Variants in NECAB2 observed in about 807,000 individuals in gnomAD.
NECAB2 encodes N-terminal EF-hand calcium-binding protein 2.
In NECAB2, 68 loss-of-function variants were observed where a neutral mutation model predicts 51.9. The observed-to-expected ratio is 1.31, with a 90% CI of 1.08 to 1.60. The LOEUF (loss-of-function observed/expected upper bound fraction) is 1.60, where lower values mean the gene tolerates loss of function less well. Among genes scored for constraint, NECAB2 ranks in the 40% most tolerant of loss-of-function variants. The pLI, the probability that NECAB2 is intolerant of heterozygous loss-of-function variation, is 0.00. For synonymous variants in NECAB2, 329 were observed against 203.5 expected (o/e 1.62, Z -5.25); for missense variants, 854 against 490.3 (o/e 1.74, Z -7.00).
intron 6 of NECAB2, among the ~76,000 whole-genome samples, chr16:83,992,949 G>A (rs984637191): frequency 3.9e-5 from 6 of 152,172 alleles, no homozygotes; most frequent in African/African-American, 7.2e-5. Context: ...GTATGGCTGC[G>A]CAGTTTTCAG....
chr16:83,994,283 G>A lies in NECAB2; in HGVS notation c.597-19G>A, dbSNP rs372815049. The A allele has an allele frequency of 9.3e-6, 15 of 1,612,514 alleles. No individual in the cohort carries two copies. In the Middle Eastern group the frequency reaches 4.9e-4, roughly 53 times the overall value. ...GAAGCCACCGCCATGGTCTGTGTGTGTTCCCATCCAAACTGCAGACAGAAC... is the reference window on the plus strand; with the variant it reads ...GAAGCCACCGCCATGGTCTGTGTGTATTCCCATCCAAACTGCAGACAGAAC... On this transcript the variant is annotated intron_variant, in intron 6 of 12. Coordinates refer to ENST00000305202, the MANE Select transcript of NECAB2 (RefSeq NM_019065.3).
intron 2 of NECAB2, 42 bp from the exon 3 acceptor site, chr16:83,978,402 C>T (rs1162348675): frequency 1.3e-6 from 2 of 1,561,020 alleles, no homozygotes; most frequent in Middle Eastern, 1.7e-4. Flanking sequence ...CCAGCCTTAT[C>T]TCTGCAGACA....
rs1259778837 is a variant in NECAB2, at chr16:84,002,678, ACATTCTTCTACCTAGTAG to A, written c.*333_*350del. On this transcript the variant is annotated 3_prime_UTR_variant, in exon 13 of 13. Coordinates refer to ENST00000305202, the MANE Select transcript of NECAB2 (RefSeq NM_019065.3). Reference sequence around the variant, plus strand: ...TGACCACACCCTGCCCTCTTCGGTGACATTCTTCTACCTAGTAGGAGTCATGCCCCTGTAGTGCCCAAC... The same window carrying A: ...TGACCACACCCTGCCCTCTTCGGTGAGAGTCATGCCCCTGTAGTGCCCAAC... 1 of 400,628 alleles carries A rather than the reference ACATTCTTCTACCTAGTAG, an allele frequency of 2.5e-6. No homozygotes were observed. Among genetic ancestry groups the A allele is most frequent in the Non-Finnish European group, 4.6e-6 (1 of 215,782 alleles). The allele number at this position is 400,628 out of a possible 1,614,324, so 24.8% of individuals were successfully genotyped here. A position where few individuals can be genotyped will look rare whatever the true frequency, so the allele number is the denominator to read the frequency against.
chr16:84,001,984 G>A, intron 12 of NECAB2, 68 bp downstream of exon 12: 1 of 1,524,516 alleles, frequency 6.6e-7, no homozygotes, highest in Non-Finnish European at 9.0e-7. Context: ...CCTAGAGGCT[G>A]CCCCATATCT....
At chr16:83,993,025 T>G (rs2084645908) in intron 6 of NECAB2, among the ~76,000 whole-genome samples, 1 of 152,200 alleles carries the variant, frequency 6.6e-6, no homozygotes, top group South Asian at 2.1e-4. Flanking sequence ...GCCCCCATGG[T>G]GGGGACCTTA....
At chr16:83,985,881 C>T (rs2084546583) in intron 5 of NECAB2, among the ~76,000 whole-genome samples, 1 of 152,048 alleles carries the variant, frequency 6.6e-6, no homozygotes, top group African/African-American at 2.4e-5. Context: ...GTGGATTGTG[C>T]TTGCAGAATT....
chr16:84,001,652 A>AGAGT (rs760754946), intron 11 of NECAB2, among the ~76,000 whole-genome samples, 173 bp from the exon 12 acceptor site: 2 of 151,646 alleles, frequency 1.3e-5, no homozygotes, highest in Non-Finnish European at 2.9e-5. Flanking sequence ...TGCCCACCCC[A>AGAGT]GAGTCAGCCT....
In NECAB2 at chr16:83,971,252, C is replaced by G. The variant is rs533016213; in HGVS notation, c.202-899C>G. ...TCCTGTGAATAGCAAGGTCTTAGCG[C>G]ACAGGTGTCAACATTGGGCCTGGGA... On this transcript the variant is annotated intron_variant, in intron 1 of 12. Coordinates refer to ENST00000305202, the MANE Select transcript of NECAB2 (RefSeq NM_019065.3). 5.3e-5 allele frequency among the ~76,000 whole-genome samples: 8 copies of G among 152,266 alleles called. No homozygotes were observed. In the South Asian group the frequency reaches 1.7e-3, roughly 32 times the overall value.
rs548496082 is a variant in NECAB2 at position 84,002,124 on chromosome 16, A to G, written c.1133-194A>G. Reference sequence around the variant, plus strand: ...GAGCTTGCACCAGAGCACCCCCTCCACGGCCCCCTACTTCCAGCCAGACTG... The same window carrying G: ...GAGCTTGCACCAGAGCACCCCCTCCGCGGCCCCCTACTTCCAGCCAGACTG... On this transcript the variant is annotated intron_variant, in intron 12 of 12. Coordinates refer to ENST00000305202, the MANE Select transcript of NECAB2 (RefSeq NM_019065.3). Among the ~76,000 whole-genome samples the G allele has an allele frequency of 7.2e-5, 11 of 152,134 alleles. No homozygotes were observed. The East Asian group carries it at 1.6e-3, about 21-fold the overall frequency.
At chr16:83,990,276 G>T (rs2151094757) in intron 5 of NECAB2, among the ~76,000 whole-genome samples, 1 of 152,286 alleles carries the variant, frequency 6.6e-6, no homozygotes, top group Middle Eastern at 3.4e-3. Context: ...GCTAGTAAGT[G>T]GTGAAGCCAG....
chr16:83,996,850 C>A (rs1384531429), intron 8 of NECAB2, among the ~76,000 whole-genome samples: 1 of 152,024 alleles, frequency 6.6e-6, no homozygotes, highest in South Asian at 2.1e-4. Context: ...CTGGGGAAGA[C>A]CAGAGAGAAC....
At chr16:83,980,554 GC>G (rs2084473089) in intron 3 of NECAB2, among the ~76,000 whole-genome samples, 2 of 152,042 alleles carry the variant, frequency 1.3e-5, no homozygotes, top group Admixed American at 6.6e-5. Flanking sequence ...CCCTTTCCTG[GC>G]CCCCAGCTTG....
chr16:83,995,144 T>TA (rs1818721014), intron 8 of NECAB2, among the ~76,000 whole-genome samples: 1 of 152,212 alleles, frequency 6.6e-6, no homozygotes, highest in African/African-American at 2.4e-5. Context: ...TTAAGTGTGA[T>TA]ATGGGACGTC....
At chr16:83,994,484 C>T (rs2084669332) in intron 7 of NECAB2, 64 bp downstream of exon 7, 3 of 1,596,870 alleles carry the variant, frequency 1.9e-6, no homozygotes, top group South Asian at 1.1e-5. Flanking sequence ...TCTGAGAGTC[C>T]TCTGACAGGG....
chr16:83,965,599 G>C, upstream of NECAB2: 1 of 1,613,136 alleles, frequency 6.2e-7, no homozygotes, highest in Non-Finnish European at 8.5e-7. Flanking sequence ...AGGTGCACCA[G>C]ATGATGCGGG....
intron 8 of NECAB2, 115 bp from the exon 9 acceptor site, chr16:83,997,101 C>T: frequency 2.5e-6 from 3 of 1,223,398 alleles, no homozygotes; most frequent in Admixed American, 1.9e-5. Flanking sequence ...CAGCCCTGTG[C>T]AACAGGGCCG....
At chr16:84,001,693 G>A in intron 11 of NECAB2, 132 bp from the exon 12 acceptor site, 2 of 897,350 alleles carry the variant, frequency 2.2e-6, no homozygotes, top group African/African-American at 1.8e-5. Context: ...TCCCACAAAG[G>A]CTCTGAGTCC....
At chr16:83,971,832 C>G (rs2084350012) in intron 1 of NECAB2, 1 of 509,320 alleles carries the variant, frequency 2.0e-6, no homozygotes, top group African/African-American at 1.9e-5. Context: ...GTGGGTGAAG[C>G]CACGTGGACT....
intron 9 of NECAB2, 94 bp downstream of exon 9, chr16:83,997,363 T>C (rs1012408040): frequency 6.6e-7 from 1 of 1,508,344 alleles, no homozygotes; most frequent in African/African-American, 1.4e-5. Context: ...GACCCCGCTC[T>C]CCCTGCTTGG....
Sources: gnomAD v4.1 joint callset for allele counts (sites outside exome capture counted in the v4.1 genomes callset) on GRCh38, gnomAD v4.1.1 for gene constraint, MANE v1.5 for transcripts, NCBI Gene and HGNC (gene_info 2026-07-23, HGNC 2026-07-21) for gene names.